The following PDE10A variants were observed in gnomAD, a reference collection of about 807,000 sequenced individuals.
PDE10A encodes phosphodiesterase 10A.
PDE10A carries 39 observed loss-of-function variants against 97.7 expected under a neutral mutation model. The ratio of observed to expected loss-of-function variants is 0.40; its 90% CI spans 0.31 to 0.52. The LOEUF (loss-of-function observed/expected upper bound fraction) is 0.52. Ranked by LOEUF, PDE10A falls within the 20% of genes least tolerant of loss-of-function variation. The pLI, the probability that PDE10A is intolerant of heterozygous loss-of-function variation, is 0.56. For synonymous variants in PDE10A, 371 were observed against 376.8 expected, an observed-to-expected ratio of 0.98 and a Z score of 0.18; for missense variants, 731 against 1,047.8, an observed-to-expected ratio of 0.70 and a Z score of 4.17.
At chr6:165,540,519 G>A (rs1017131615) in intron 2 of PDE10A, among the ~76,000 whole-genome samples, 2 of 151,996 alleles carry the variant, frequency 1.3e-5, no homozygotes, top group African/African-American at 4.8e-5. Flanking sequence ...TTCTGTTCCT[G>A]GTTCCACTCA....
intron 1 of PDE10A, among the ~76,000 whole-genome samples, chr6:165,831,442 A>G (rs192434759): frequency 4.0e-4 from 58 of 146,210 alleles, no homozygotes; most frequent in African/African-American, 1.4e-3. Flanking sequence ...CTTTTCATAT[A>G]TAATAACTTT....
intron 1 of PDE10A, among the ~76,000 whole-genome samples, chr6:165,585,353 A>G (rs1203870421): frequency 2.0e-5 from 3 of 152,186 alleles, no homozygotes; most frequent in Non-Finnish European, 4.4e-5. Context: ...ATTCCCAGCA[A>G]CTCATTCAAA....
intron 1 of PDE10A, among the ~76,000 whole-genome samples, chr6:165,565,072 A>T (rs1784709956): frequency 6.6e-6 from 1 of 152,244 alleles, no homozygotes; most frequent in Admixed American, 6.5e-5. Context: ...CCATTCATAA[A>T]GTAGCCAAAA....
rs1789302241 is a variant in PDE10A at position 165,644,661 on chromosome 6, T to C, written c.865+17286A>G. 2.0e-5 allele frequency among the ~76,000 whole-genome samples: 3 copies of C among 152,200 alleles called. No homozygotes were observed. In the South Asian group the frequency reaches 6.2e-4, roughly 32 times the overall value. ...GTATATTGAAACATCACACTGCATG[T>C]ACTTCATCAACACAGGCACCTAAAC... On this transcript the variant is annotated intron_variant, in intron 1 of 21. Coordinates refer to ENST00000539869, the MANE Select transcript of PDE10A (RefSeq NM_001385079.1).
At chr6:165,946,364 A>G (rs1783765709) in intron 1 of PDE10A, among the ~76,000 whole-genome samples, 2 of 152,084 alleles carry the variant, frequency 1.3e-5, no homozygotes, top group Admixed American at 1.3e-4. Flanking sequence ...GTGTGCTGGC[A>G]TGCGCCTGTA....
Position 165,423,950 on chromosome 6 carries a change from T to G in PDE10A, c.1653+4708A>C, listed in dbSNP as rs544337989. Among the ~76,000 whole-genome samples the G allele has an allele frequency of 4.3e-3, 657 of 152,310 alleles. 7 individuals are homozygous for G. Among genetic ancestry groups the G allele is most frequent in the Non-Finnish European group, 4.3e-3 (294 of 68,010 alleles). ...AAAAAGTCTAACCTCATTCCCCACT[T>G]GTTTCCTCTAATCCAGGGTTATCTT... On this transcript the variant is annotated intron_variant, in intron 10 of 21. Coordinates refer to ENST00000539869, the MANE Select transcript of PDE10A (RefSeq NM_001385079.1).
chr6:165,413,018 C>T lies in PDE10A; in HGVS notation c.2076+483G>A, dbSNP rs188469687. Among the ~76,000 whole-genome samples the T allele has an allele frequency of 2.6e-4, 39 of 152,152 alleles. No individual in the cohort carries two copies. The East Asian group carries it at 7.4e-3, about 29-fold the overall frequency. On this transcript the variant is annotated intron_variant, in intron 13 of 21. Transcript: ENST00000539869. ...TTCAGTGAACACGGTACAACTTTCA[C>T]GAGGACTGAGTTAACACCGAGAATG...
intron 1 of PDE10A, among the ~76,000 whole-genome samples, chr6:165,840,267 C>G (rs1780224982): frequency 6.6e-6 from 1 of 152,114 alleles, no homozygotes; most frequent in Admixed American, 6.5e-5. Flanking sequence ...CTCCCTCACA[C>G]AGGTACCTGC....
chr6:165,523,472 A>G, intron 2 of PDE10A, among the ~76,000 whole-genome samples: 1 of 152,128 alleles, frequency 6.6e-6, no homozygotes, highest in East Asian at 1.9e-4. Flanking sequence ...CCACAAACCT[A>G]TAGTAATCTG....
chr6:165,368,754 G>C (rs1325032288), intron 18 of PDE10A, among the ~76,000 whole-genome samples: 2 of 152,218 alleles, frequency 1.3e-5, no homozygotes, highest in African/African-American at 4.8e-5. Context: ...CTGGAGATCT[G>C]AGAACGGGCA....
intron 3 of PDE10A, among the ~76,000 whole-genome samples, chr6:165,476,559 A>C (rs1325921836): frequency 6.6e-6 from 1 of 152,190 alleles, no homozygotes; most frequent in Admixed American, 6.5e-5. Context: ...GAATGAAATA[A>C]ATGTGAAAGA....
intron 1 of PDE10A, among the ~76,000 whole-genome samples, chr6:165,621,201 A>C (rs1006261843): frequency 2.6e-5 from 4 of 152,068 alleles, no homozygotes; most frequent in East Asian, 1.9e-4. Flanking sequence ...ATGATACATT[A>C]AGTTCAGTAT....
chr6:165,432,911 C>T, intron 7 of PDE10A, 63 bp downstream of exon 7: 1 of 1,212,720 alleles, frequency 8.2e-7, no homozygotes, highest in Non-Finnish European at 1.2e-6. Flanking sequence ...GCAATACTAA[C>T]AAGCACCTTC....
intron 5 of PDE10A, among the ~76,000 whole-genome samples, chr6:165,442,518 GA>G (rs759508902): frequency 2.6e-5 from 4 of 152,158 alleles, no homozygotes; most frequent in Non-Finnish European, 5.9e-5. Context: ...GGTGGCAGAA[GA>G]GGGAGTGCAA....
chr6:165,336,681 G>A (rs531993856), intron 20 of PDE10A, among the ~76,000 whole-genome samples: 169 of 151,362 alleles, frequency 1.1e-3, no homozygotes, highest in African/African-American at 3.6e-3. Flanking sequence ...CCCGGGAAGC[G>A]GAGCTTGCAG....
intron 1 of PDE10A, among the ~76,000 whole-genome samples, chr6:165,614,606 A>G (rs143516128): frequency 0.01 from 1,531 of 152,310 alleles, 8 homozygotes; most frequent in Admixed American, 0.019. Context: ...TCCCCAACAC[A>G]GCAAGCCTGC....
At chr6:165,806,154 A>G (rs975551054) in intron 1 of PDE10A, among the ~76,000 whole-genome samples, 2 of 151,494 alleles carry the variant, frequency 1.3e-5, no homozygotes, top group African/African-American at 4.9e-5. Flanking sequence ...GCAGTTTTCT[A>G]AACCACCTCA....
chr6:165,482,144 T>C (rs1779640578), intron 3 of PDE10A, among the ~76,000 whole-genome samples, 171 bp downstream of exon 3: 1 of 152,186 alleles, frequency 6.6e-6, no homozygotes, highest in South Asian at 2.1e-4. Context: ...GGCCTTCAAT[T>C]TGCACCCTCT....
chr6:165,461,959 G>A (rs546672304), intron 3 of PDE10A, among the ~76,000 whole-genome samples: 5 of 152,330 alleles, frequency 3.3e-5, no homozygotes, highest in Admixed American at 6.5e-5. Context: ...ATGTTCCCTC[G>A]TTTGGGAGAC....
Sources: allele counts gnomAD v4.1 joint callset (sites outside exome capture counted in the v4.1 genomes callset), GRCh38; gene constraint gnomAD v4.1.1; transcripts MANE v1.5; gene names NCBI Gene and HGNC (gene_info 2026-07-23, HGNC 2026-07-21).